The following CBX6 variants were observed in gnomAD, a reference collection of about 807,000 sequenced individuals.
CBX6 encodes the protein chromobox 6, also known as chromobox protein homolog 6.
CBX6 carries 7 observed loss-of-function variants against 28.4 expected under a neutral mutation model. The ratio of observed to expected loss-of-function variants is 0.25; its 90% confidence interval spans 0.14 to 0.46. The LOEUF (loss-of-function observed/expected upper bound fraction) is 0.46, where lower values mean the gene tolerates loss of function less well. CBX6 is among the 20% of genes least tolerant of loss of function. The probability of loss-of-function intolerance (pLI) is 0.99; values close to 1 mark genes in which losing one functional copy is unlikely to be tolerated. For missense variants in CBX6, 512 were observed against 606.1 expected, an observed-to-expected ratio of 0.84 and a Z score of 1.63; for synonymous variants, 297 against 273.4, an observed-to-expected ratio of 1.09 and a Z score of -0.85.
rs1225167105 is a variant in CBX6 at position 38,871,318 on chromosome 22, G to A, written c.246+162C>T. 1 of 682,046 alleles carries A rather than the reference G, an allele frequency of 1.5e-6. No homozygotes were observed. The highest frequency in any genetic ancestry group is 1.6e-5 in the South Asian group (1 of 61,810). 42.2% of individuals were successfully genotyped at this position (682,046 alleles called of 1,614,324 possible). A position where few individuals can be genotyped will look rare whatever the true frequency, so the allele number is the denominator to read the frequency against. ...ATGCTGGCTGAGGCCTGCCATCAGG[G>A]GCTTCTGGGGGGGCTCACAACCACC... is the stretch of plus-strand genomic sequence containing the variant. On this transcript the variant is annotated intron_variant, in intron 4 of 4. Coordinates refer to ENST00000407418, the MANE Select transcript of CBX6 (RefSeq NM_014292.5). This position sits in a 1 kb window ranked among gnomAD's most constrained non-coding sequence, Gnocchi z 5.6.
In CBX6 at chr22:38,866,883, C is replaced by A; in HGVS notation, c.565G>T (p.Gly189Cys). 1.3e-6 allele frequency: 2 copies of A among 1,597,914 alleles called. No individual in the cohort carries two copies. The highest frequency in any genetic ancestry group is 2.2e-5 in the South Asian group (2 of 89,546). ...KVIDKGAGGG[G>C]AGQGAGALAR... ...AGCGCCCCGGCCCCCTGCCCGGCGCCCCCGCCGCCAGCGCCCTTGTCGATC... is the reference window on the plus strand; with the variant it reads ...AGCGCCCCGGCCCCCTGCCCGGCGCACCCGCCGCCAGCGCCCTTGTCGATC... The change falls in exon 5 of 5, where the codon GGC becomes TGC. Residue 189 changes from glycine (G) to cysteine (C), a missense_variant. Gly to Cys is a radical substitution (Grantham distance 159). Around this residue, in one of 7 missense-constraint regions of CBX6, gnomAD observed 290 missense variants for 274.1 expected, o/e 1.06. Transcript: ENST00000407418. The surrounding 1 kb of genome is among the most constrained non-coding windows in gnomAD (Gnocchi z 7.5).
chr22:38,871,832 C>A lies in CBX6; in HGVS notation c.113+70G>T. On this transcript the variant is annotated intron_variant, in intron 2 of 4. Transcript: ENST00000407418. This position sits in a 1 kb window ranked among gnomAD's most constrained non-coding sequence, Gnocchi z 5.6. ...GGCACGCGGCGAGAGCAAGAGCGCG[C>A]ACCCCCACCCCAGGCCCCGGTGCCC... is the stretch of plus-strand genomic sequence containing the variant. The A allele has an allele frequency of 6.4e-7, 1 of 1,570,286 alleles. No homozygotes were observed.
intron 4 of CBX6, among the ~76,000 whole-genome samples, chr22:38,867,868 T>A (rs527774750): frequency 1.3e-3 from 197 of 152,332 alleles, no homozygotes; most frequent in Non-Finnish European, 2.4e-3. Context: ...TACCAATGCA[T>A]CCCAAAGCCT....
In CBX6 at chr22:38,866,980, C is replaced by G. The variant is rs751815603; in HGVS notation, c.468G>C (p.Thr156=). The change falls in exon 5 of 5, where the codon ACG becomes ACC. Residue 156 remains threonine (T), a synonymous_variant. Coordinates refer to ENST00000407418, the MANE Select transcript of CBX6 (RefSeq NM_014292.5). The surrounding 1 kb of genome is among the most constrained non-coding windows in gnomAD (Gnocchi z 7.5). ...TCACCTTGCGGTTGATGATGCGCAC[C>G]GTCTCCGAGAAGGGCGAAATGGGCG... ...LRPPISPFSE[T]VRIINRKVKP... is the part of the protein sequence containing the mutation. The G allele has an allele frequency of 3.3e-5, 53 of 1,608,600 alleles. No individual in the cohort carries two copies. The highest frequency in any genetic ancestry group is 4.0e-5 in the Non-Finnish European group (47 of 1,178,464).
chr22:38,872,064 GC>G lies in CBX6; in HGVS notation c.69+57del. 3.1e-6 allele frequency: 4 copies of G among 1,282,624 alleles called. No individual in the cohort carries two copies. The highest frequency in any genetic ancestry group is 2.3e-5 in the South Asian group (1 of 44,284). 79.5% of individuals were successfully genotyped at this position (1,282,624 alleles called of 1,614,324 possible). On this transcript the variant is annotated intron_variant, in intron 1 of 4. Transcript: ENST00000407418. This position sits in a 1 kb window ranked among gnomAD's most constrained non-coding sequence, Gnocchi z 5.0. ...CTAGCGGGACCGCTTCGCCCCGAGGGCCCCCGGCCCCGGCCCCGGCTGCGGA... is the reference window on the plus strand; with the variant it reads ...CTAGCGGGACCGCTTCGCCCCGAGGGCCCCGGCCCCGGCCCCGGCTGCGGA...
chr22:38,870,189 G>C lies in CBX6; in HGVS notation c.246+1291C>G, dbSNP rs1160528957. 1 of 152,198 alleles carries C rather than the reference G, an allele frequency of 6.6e-6. No homozygotes were observed. The highest frequency in any genetic ancestry group is 6.5e-5 in the Admixed American group (1 of 15,278). 9.4% of individuals were successfully genotyped at this position (152,198 alleles called of 1,614,324 possible). Reference sequence around the variant, plus strand: ...ATGAAGCCAGGAAGCTGGACCTCGGGTAAGTCACTTTCCCTTCCTGGGCCT... The same window carrying C: ...ATGAAGCCAGGAAGCTGGACCTCGGCTAAGTCACTTTCCCTTCCTGGGCCT... On this transcript the variant is annotated intron_variant, in intron 4 of 4. Coordinates refer to ENST00000407418, the MANE Select transcript of CBX6 (RefSeq NM_014292.5). This position sits in a 1 kb window ranked among gnomAD's most constrained non-coding sequence, Gnocchi z 4.3.
At chr22:38,867,271 C>A in intron 4 of CBX6, 70 bp from the exon 5 acceptor site, 1 of 1,403,506 alleles carries the variant, frequency 7.1e-7, no homozygotes. Context: ...GTCCCTACGC[C>A]AGCCAGCCCT....
At position 38,863,813 on chromosome 22, in the gene CBX6, G is replaced by A. The variant is rs1386878621; in HGVS notation, c.*2396C>T. Reference sequence around the variant, plus strand: ...GGCTTTAGGGTGACCCGTGGGGAGGGAGGTCTCCCCCATAGGGTGGCGGTG... The same window carrying A: ...GGCTTTAGGGTGACCCGTGGGGAGGAAGGTCTCCCCCATAGGGTGGCGGTG... On this transcript the variant is annotated 3_prime_UTR_variant, in exon 5 of 5. Transcript: ENST00000407418. 3 of 152,246 alleles carry A rather than the reference G, an allele frequency of 2.0e-5. No homozygotes were observed. Among genetic ancestry groups the A allele is most frequent in the Non-Finnish European group, 2.9e-5 (2 of 68,060 alleles). The allele number at this position is 152,246 out of a possible 1,614,324, so 9.4% of individuals were successfully genotyped here.
rs751815603 is a variant in CBX6 at position 38,866,980 on chromosome 22, C to A, written c.468G>T (p.Thr156=). 6.2e-7 allele frequency: 1 copy of A among 1,608,600 alleles called. No individual in the cohort carries two copies. The highest frequency in any genetic ancestry group is 1.3e-5 in the African/African-American group (1 of 74,794). Reference sequence around the variant, plus strand: ...TCACCTTGCGGTTGATGATGCGCACCGTCTCCGAGAAGGGCGAAATGGGCG... The same window carrying A: ...TCACCTTGCGGTTGATGATGCGCACAGTCTCCGAGAAGGGCGAAATGGGCG... The part of the protein sequence containing the change: ...LRPPISPFSE[T]VRIINRKVKP... Residue 156 remains threonine, a synonymous_variant, in exon 5 of 5, where the codon ACG becomes ACT. Transcript: ENST00000407418. The surrounding 1 kb of genome is among the most constrained non-coding windows in gnomAD (Gnocchi z 7.5).
rs532525908 is a variant in CBX6, at chr22:38,871,625, C to T, written c.179+67G>A. ...CGCGCTGCCCTCCCCGGCTCTCCCGCTTCCCCGCGCGGCGCCCCAGCCGAG... is the reference window on the plus strand; with the variant it reads ...CGCGCTGCCCTCCCCGGCTCTCCCGTTTCCCCGCGCGGCGCCCCAGCCGAG... On this transcript the variant is annotated intron_variant, in intron 3 of 4. Transcript: ENST00000407418. This position sits in a 1 kb window ranked among gnomAD's most constrained non-coding sequence, Gnocchi z 5.6. The T allele has an allele frequency of 1.2e-6, 2 of 1,611,100 alleles. No homozygotes were observed. Among genetic ancestry groups the T allele is most frequent in the African/African-American group, 2.7e-5 (2 of 75,016 alleles).
At position 38,871,612 on chromosome 22, in the gene CBX6, C is replaced by T. The variant is rs2093182505; in HGVS notation, c.180-66G>A. 10 of 1,611,252 alleles carry T rather than the reference C, an allele frequency of 6.2e-6. No individual in the cohort carries two copies. The South Asian group carries it at 8.8e-5, about 14-fold the overall frequency. On this transcript the variant is annotated intron_variant, in intron 3 of 4. Transcript: ENST00000407418. This position sits in a 1 kb window ranked among gnomAD's most constrained non-coding sequence, Gnocchi z 5.6. ...CCGGGCCCCACTCCGCGCTGCCCTC[C>T]CCGGCTCTCCCGCTTCCCCGCGCGG...
rs765736065 is a variant in CBX6 at position 38,871,366 on chromosome 22, T to C, written c.246+114A>G. The stretch of plus-strand genomic sequence containing the variant: ...ACCCCCTGCCCAGCTGGGGCCCCTC[T>C]GAAAAGGCCGGCCCGCTTGGGCGGC... On this transcript the variant is annotated intron_variant, in intron 4 of 4. Transcript: ENST00000407418. The surrounding 1 kb of genome is among the most constrained non-coding windows in gnomAD (Gnocchi z 5.6). 1.5e-5 allele frequency: 17 copies of C among 1,108,762 alleles called. No individual in the cohort carries two copies. Among genetic ancestry groups the C allele is most frequent in the Non-Finnish European group, 2.2e-5 (17 of 768,880 alleles). The allele number at this position is 1,108,762 out of a possible 1,614,324, so 68.7% of individuals were successfully genotyped here. A position where few individuals can be genotyped will look rare whatever the true frequency, so the allele number is the denominator to read the frequency against.
chr22:38,863,370 T>C lies in CBX6; in HGVS notation c.*2839A>G, dbSNP rs2093162042. On this transcript the variant is annotated 3_prime_UTR_variant, in exon 5 of 5. Coordinates refer to ENST00000407418, the MANE Select transcript of CBX6 (RefSeq NM_014292.5). ...TAGGAGGAGATTGGGCTTTGGGGGT[T>C]ATTTCACATACAAAAATAAAGCAAA... The C allele has an allele frequency of 6.6e-6, 1 of 152,114 alleles. No homozygotes were observed. The highest frequency in any genetic ancestry group is 6.5e-5 in the Admixed American group (1 of 15,272). 9.4% of individuals were successfully genotyped at this position (152,114 alleles called of 1,614,324 possible).
rs767467737 is a variant in CBX6, at chr22:38,866,389, G to C, written c.1059C>G (p.Pro353=). ...TCTCGGGGCGCCAGTCCCCAGCCTC[G>C]GGCTCGGAGGAGGCACCGGCGGGCT... ...APEPAGASSE[P]EAGDWRPEMS... is the part of the protein sequence containing the mutation. Residue 353 remains proline (P), a synonymous_variant, in exon 5 of 5, where the codon CCC becomes CCG. Transcript: ENST00000407418. This position sits in a 1 kb window ranked among gnomAD's most constrained non-coding sequence, Gnocchi z 7.5. The C allele has an allele frequency of 3.7e-6, 6 of 1,613,316 alleles. 1 individual carries two copies. The South Asian group carries it at 6.6e-5, about 18-fold the overall frequency.
Position 38,864,599 on chromosome 22 carries a change from G to C in CBX6, c.*1610C>G, listed in dbSNP as rs549699480. The C allele has an allele frequency of 1.3e-5, 2 of 152,616 alleles. No individual in the cohort carries two copies. Among genetic ancestry groups the C allele is most frequent in the Non-Finnish European group, 2.9e-5 (2 of 68,122 alleles). 9.5% of individuals were successfully genotyped at this position (152,616 alleles called of 1,614,324 possible). A position where few individuals can be genotyped will look rare whatever the true frequency, so the allele number is the denominator to read the frequency against. On this transcript the variant is annotated 3_prime_UTR_variant, in exon 5 of 5. Coordinates refer to ENST00000407418, the MANE Select transcript of CBX6 (RefSeq NM_014292.5). The stretch of plus-strand genomic sequence containing the variant: ...GTCCCCGTTCTACATCCCGGGGAGG[G>C]GAGGGCTAGGGCCACGCTGTGGGCC...
In CBX6 at chr22:38,866,408, G is replaced by A. The variant is rs1471111823; in HGVS notation, c.1040C>T (p.Ala347Val). 1 of 1,612,318 alleles carries A rather than the reference G, an allele frequency of 6.2e-7. No individual in the cohort carries two copies. Among genetic ancestry groups the A allele is most frequent in the Non-Finnish European group, 8.5e-7 (1 of 1,179,768 alleles). Reference sequence around the variant, plus strand: ...AGCCTCGGGCTCGGAGGAGGCACCGGCGGGCTCAGGGGCCGTGGGAGGTGC... The same window carrying A: ...AGCCTCGGGCTCGGAGGAGGCACCGACGGGCTCAGGGGCCGTGGGAGGTGC... ...GPAPPTAPEP[A>V]GASSEPEAGD... The change falls in exon 5 of 5, where the codon GCC becomes GTC. Residue 347 changes from alanine (A) to valine (V), a missense_variant. By Grantham distance (64) the Ala-to-Val change is moderately conservative. Transcript: ENST00000407418. This position sits in a 1 kb window ranked among gnomAD's most constrained non-coding sequence, Gnocchi z 7.5.
Position 38,871,379 on chromosome 22 carries a change from C to A in CBX6, c.246+101G>T, listed in dbSNP as rs755722529. The A allele has an allele frequency of 8.7e-6, 11 of 1,265,330 alleles. No individual in the cohort carries two copies. In the South Asian group the frequency reaches 1.5e-4, roughly 18 times the overall value. The allele number at this position is 1,265,330 out of a possible 1,614,324, so 78.4% of individuals were successfully genotyped here. On this transcript the variant is annotated intron_variant, in intron 4 of 4. Coordinates refer to ENST00000407418, the MANE Select transcript of CBX6 (RefSeq NM_014292.5). The surrounding 1 kb of genome is among the most constrained non-coding windows in gnomAD (Gnocchi z 5.6). ...CTGGGGCCCCTCTGAAAAGGCCGGC[C>A]CGCTTGGGCGGCCGCGTATCTGTCC...
chr22:38,871,453 G>A lies in CBX6; in HGVS notation c.246+27C>T. On this transcript the variant is annotated intron_variant, in intron 4 of 4. Coordinates refer to ENST00000407418, the MANE Select transcript of CBX6 (RefSeq NM_014292.5). This position sits in a 1 kb window ranked among gnomAD's most constrained non-coding sequence, Gnocchi z 5.6. Reference sequence around the variant, plus strand: ...GCCGGGGCTGGGGGCCCGAGAGGGGGATGCTGCTGGGGCTGGGCCAGGTTA... The same window carrying A: ...GCCGGGGCTGGGGGCCCGAGAGGGGAATGCTGCTGGGGCTGGGCCAGGTTA... The A allele has an allele frequency of 6.3e-7, 1 of 1,590,080 alleles. No individual in the cohort carries two copies. The highest frequency in any genetic ancestry group is 1.1e-5 in the South Asian group (1 of 88,586).
intron 4 of CBX6, among the ~76,000 whole-genome samples, chr22:38,868,645 G>C (rs2093175888): frequency 6.6e-6 from 1 of 152,128 alleles, no homozygotes; most frequent in African/African-American, 2.4e-5. Context: ...ATCCTACTGG[G>C]GCAGGGAGGC....
Sources: gnomAD v4.1 joint callset for allele counts (sites outside exome capture counted in the v4.1 genomes callset) on GRCh38, gnomAD v4.1.1 for gene constraint, gnomAD v4.1.1 regional missense constraint, Gnocchi (gnomAD v3.1) non-coding constraint, MANE v1.5 for transcripts, NCBI Gene and HGNC (gene_info 2026-07-23, HGNC 2026-07-21) for gene names.